Variants in ACTN3 observed in about 807,000 individuals in gnomAD.
ACTN3 encodes actinin alpha 3.
A neutral mutation model predicts 119.6 loss-of-function variants in ACTN3; 91 were observed. The observed-to-expected ratio is 0.76, with a 90% confidence interval of 0.64 to 0.91. ACTN3 has a LOEUF of 0.91. ACTN3 is among the 40% of genes least tolerant of loss of function. The pLI, the probability that ACTN3 is intolerant of heterozygous loss-of-function variation, is 0.00. For missense variants in ACTN3, 1,221 were observed against 1,215.1 expected (o/e 1.00, Z -0.07); for synonymous variants, 456 against 478.8 (o/e 0.95, Z 0.62).
rs376696968 is a variant in ACTN3 at position 66,548,209 on chromosome 11, G to T, written c.147+1125G>T. ...AAGGGCCGAGAGGCTCCGCTGACTC[G>T]GCTGGGGTGCCCCGGGTGACAGGCC... On this transcript the variant is annotated intron_variant, in intron 1 of 20. Coordinates refer to ENST00000513398, the MANE Select transcript of ACTN3 (RefSeq NM_001104.4). 7.2e-5 allele frequency among the ~76,000 whole-genome samples: 11 copies of T among 152,188 alleles called. No homozygotes were observed. In the South Asian group the frequency reaches 2.3e-3, roughly 32 times the overall value.
intron 7 of ACTN3, among the ~76,000 whole-genome samples, chr11:66,555,811 C>A (rs1027021841): frequency 2.6e-5 from 4 of 152,186 alleles, no homozygotes; most frequent in African/African-American, 9.7e-5. Context: ...AGCTTGTGGA[C>A]TTGGGGGAAA....
At chr11:66,562,543 C>T (rs1305749951) in intron 19 of ACTN3, among the ~76,000 whole-genome samples, 6 of 152,078 alleles carry the variant, frequency 3.9e-5, no homozygotes, top group Non-Finnish European at 8.8e-5. Context: ...GGAAACAGCA[C>T]TACAGAAACG....
At chr11:66,560,854 C>T in intron 15 of ACTN3, 99 bp downstream of exon 15, 1 of 1,337,344 alleles carries the variant, frequency 7.5e-7, no homozygotes, top group Non-Finnish European at 1.0e-6. Flanking sequence ...AGTCCATCTT[C>T]AGATGTGGGG....
In ACTN3 at chr11:66,560,719, C is replaced by T. The variant is rs1252587983; in HGVS notation, c.1824C>T (p.Thr608=). Residue 608 remains threonine, a synonymous_variant, in exon 15 of 21, where the codon ACC becomes ACT. Coordinates refer to ENST00000513398, the MANE Select transcript of ACTN3 (RefSeq NM_001104.4). ...LRPCSTNPYI[T]LSPQDINTKW... The stretch of plus-strand genomic sequence containing the variant: ...CCTGCTCCACCAATCCCTACATCAC[C>T]CTCAGCCCGCAGGACATCAACACCA... 6.2e-7 allele frequency: 1 copy of T among 1,613,532 alleles called. No individual in the cohort carries two copies. The highest frequency in any genetic ancestry group is 8.5e-7 in the Non-Finnish European group (1 of 1,179,688).
intron 4 of ACTN3, 77 bp downstream of exon 4, chr11:66,554,208 CG>C: frequency 8.1e-7 from 1 of 1,234,134 alleles, no homozygotes; most frequent in Non-Finnish European, 1.2e-6. Context: ...GAGGTCGAGG[CG>C]GGCAGACCAC....
At chr11:66,557,570 T>C (rs1857618085) in intron 9 of ACTN3, 129 bp from the exon 10 acceptor site, 6 of 945,842 alleles carry the variant, frequency 6.3e-6, no homozygotes, top group Admixed American at 2.3e-5. Context: ...TACCCCATCC[T>C]GCTTTCGTAG....
chr11:66,554,467 A>AAG (rs1436019944), intron 4 of ACTN3, 69 bp from the exon 5 acceptor site: 1 of 1,268,750 alleles, frequency 7.9e-7, no homozygotes, highest in African/African-American at 1.5e-5. Flanking sequence ...AAAAAAAAAA[A>AAG]AAAAAGAAGT....
intron 17 of ACTN3, 37 bp from the exon 18 acceptor site, chr11:66,561,985 G>A (rs1321876323): frequency 3.2e-6 from 5 of 1,572,098 alleles, no homozygotes; most frequent in South Asian, 1.2e-5. Flanking sequence ...CCAGGCACTG[G>A]CCGCCCACTG....
upstream of ACTN3, chr11:66,546,567 C>G: frequency 6.5e-7 from 1 of 1,535,680 alleles, no homozygotes; most frequent in Non-Finnish European, 8.7e-7. Context: ...TCACGAGGAG[C>G]TCCAGAGGGC....
In ACTN3 at chr11:66,551,547, A is replaced by AGAT. The variant is rs775855669; in HGVS notation, c.283_285dup (p.Asp95dup). ...ACCCAGGTGAGAGGCTGCCTAGGCC[A>AGAT]GATAAAGGCAAGATGCGCTTCCACA... On this transcript the variant is annotated inframe_insertion, in exon 3 of 21. Transcript: ENST00000513398. 21 of 1,614,024 alleles carry AGAT rather than the reference A, an allele frequency of 1.3e-5. No individual in the cohort carries two copies. The East Asian group carries it at 4.5e-4, about 34-fold the overall frequency.
At chr11:66,555,477 C>T (rs1387813713) in intron 7 of ACTN3, 110 bp downstream of exon 7, 9 of 1,054,798 alleles carry the variant, frequency 8.5e-6, no homozygotes, top group African/African-American at 1.6e-5. Flanking sequence ...TCCGACCACC[C>T]CCACCCCACT....
intron 8 of ACTN3, 38 bp from the exon 9 acceptor site, chr11:66,557,095 T>C: frequency 6.5e-7 from 1 of 1,541,370 alleles, no homozygotes. Context: ...CAGAAGCAAT[T>C]TGCTTTAATG....
chr11:66,558,200 G>A, intron 11 of ACTN3, 26 bp downstream of exon 11: 16 of 1,609,450 alleles, frequency 9.9e-6, no homozygotes, highest in Non-Finnish European at 1.4e-5. Flanking sequence ...TCATGGGGCT[G>A]GACTGTCTCT....
intron 3 of ACTN3, among the ~76,000 whole-genome samples, 190 bp from the exon 4 acceptor site, chr11:66,553,853 CAA>C (rs11448724): frequency 2.1e-4 from 17 of 81,760 alleles, no homozygotes; most frequent in South Asian, 5.0e-4. Flanking sequence ...GACTCCATCT[CAA>C]AAAAAAAAAA....
chr11:66,563,097 C>A lies in ACTN3; in HGVS notation c.2610C>A (p.Ile870=). Residue 870 remains isoleucine (I), a synonymous_variant, in exon 21 of 21, where the codon ATC becomes ATA. Transcript: ENST00000513398. ...ELPAKQAEYC[I]RRMVPYKGSG... is the part of the protein sequence containing the mutation. The stretch of plus-strand genomic sequence containing the variant: ...CTGCCAAGCAGGCCGAGTACTGCAT[C>A]CGCCGTATGGTGCCCTACAAGGGAT... The A allele has an allele frequency of 6.2e-7, 1 of 1,613,378 alleles. No homozygotes were observed. Among genetic ancestry groups the A allele is most frequent in the Middle Eastern group, 1.6e-4 (1 of 6,062 alleles).
Position 66,560,488 on chromosome 11 carries a change from G to A in ACTN3, c.1678-85G>A, listed in dbSNP as rs79654508. ...GTGTCAGGACTGCCCAGGACTGGTG[G>A]GTGGCCTGGGGCACACTGCTGCCCT... On this transcript the variant is annotated intron_variant, in intron 14 of 20. Coordinates refer to ENST00000513398, the MANE Select transcript of ACTN3 (RefSeq NM_001104.4). 5,467 of 1,500,006 alleles carry A rather than the reference G, an allele frequency of 3.6e-3. 142 individuals are homozygous for A. The African/African-American group carries it at 0.064, about 17-fold the overall frequency. 92.9% of individuals were successfully genotyped at this position (1,500,006 alleles called of 1,614,324 possible).
intron 9 of ACTN3, 53 bp downstream of exon 9, chr11:66,557,278 C>G (rs1168165183): frequency 6.6e-7 from 1 of 1,518,948 alleles, no homozygotes; most frequent in South Asian, 1.2e-5. Context: ...CTGGCTCTCC[C>G]AACCCTGCTA....
chr11:66,555,797 G>A (rs1008871740), intron 7 of ACTN3, among the ~76,000 whole-genome samples: 1 of 152,238 alleles, frequency 6.6e-6, no homozygotes, highest in Non-Finnish European at 1.5e-5. Context: ...TTCTTGCCCT[G>A]AGGAGCTTGT....
In ACTN3 at chr11:66,563,166, T is replaced by C; in HGVS notation, c.2679T>C (p.Ser893=). Residue 893 remains serine, a synonymous_variant, in exon 21 of 21, where the codon AGT becomes AGC. Coordinates refer to ENST00000513398, the MANE Select transcript of ACTN3 (RefSeq NM_001104.4). ...CCCTGGACTACGTGGCCTTCTCCAG[T>C]GCCCTCTATGGGGAGAGCGACCTTT... ...AGALDYVAFS[S]ALYGESDL is the part of the protein sequence containing the mutation. 6.2e-7 allele frequency: 1 copy of C among 1,612,012 alleles called. No homozygotes were observed. Among genetic ancestry groups the C allele is most frequent in the Non-Finnish European group, 8.5e-7 (1 of 1,179,022 alleles).
Sources: gnomAD v4.1 joint callset for allele counts (sites outside exome capture counted in the v4.1 genomes callset) on GRCh38, gnomAD v4.1.1 for gene constraint, MANE v1.5 for transcripts, NCBI Gene and HGNC (gene_info 2026-07-23, HGNC 2026-07-21) for gene names.